The following RANBP17 variants were observed in gnomAD, a reference collection of about 807,000 sequenced individuals.
The protein encoded by RANBP17 is RAN binding protein 17, also known as ran-binding protein 17.
In RANBP17, 158 loss-of-function variants were observed where a neutral mutation model predicts 141.2. The ratio of observed to expected loss-of-function variants is 1.12; its 90% CI spans 0.98 to 1.28. The LOEUF (loss-of-function observed/expected upper bound fraction) is 1.28. Ranked by LOEUF, RANBP17 falls within the 50% of genes most tolerant of loss-of-function variation. The pLI is 0.00. For missense variants in RANBP17, 1,438 were observed against 1,290.7 expected, an observed-to-expected ratio of 1.11 and a Z score of -1.75; for synonymous variants, 430 against 450.0, an observed-to-expected ratio of 0.96 and a Z score of 0.56.
At chr5:170,943,911 A>G (rs965640581) in intron 12 of RANBP17, among the ~76,000 whole-genome samples, 1 of 152,176 alleles carries the variant, frequency 6.6e-6, no homozygotes, top group African/African-American at 2.4e-5. Context: ...CTTTTAGCAA[A>G]TAAAGTATTA....
intron 14 of RANBP17, among the ~76,000 whole-genome samples, chr5:171,001,236 G>A (rs1022572541): frequency 1.3e-5 from 2 of 152,072 alleles, no homozygotes; most frequent in Non-Finnish European, 2.9e-5. Flanking sequence ...GTGATATTGT[G>A]GGGTTGTTAG....
At chr5:171,146,001 T>C (rs1435714205) in intron 14 of RANBP17, among the ~76,000 whole-genome samples, 1 of 152,206 alleles carries the variant, frequency 6.6e-6, no homozygotes, top group Non-Finnish European at 1.5e-5. Context: ...TCAAACATTT[T>C]ACATAAATTT....
At chr5:170,911,847 A>C (rs1272567751) in intron 7 of RANBP17, among the ~76,000 whole-genome samples, 1 of 151,918 alleles carries the variant, frequency 6.6e-6, no homozygotes, top group East Asian at 1.9e-4. Context: ...TGTTCCAGAA[A>C]AATGGTGGCA....
Position 170,924,404 on chromosome 5 carries a change from A to C in RANBP17, c.1322A>C (p.Gln441Pro). The C allele has an allele frequency of 6.2e-7, 1 of 1,608,234 alleles. No homozygotes were observed. Among genetic ancestry groups the C allele is most frequent in the Non-Finnish European group, 8.5e-7 (1 of 1,175,332 alleles). ...GATGATACTGCCACTGTGTTTCAGC[A>C]GTTGGAGCAGTTGTGCACGGTCAGC... is the stretch of plus-strand genomic sequence containing the variant. ...PLDDTATVFQ[Q>P]LEQLCTVSRC... is the part of the protein sequence containing the mutation. Residue 441 changes from glutamine to proline, a missense_variant, in exon 12 of 28, where the codon CAG becomes CCG. Physicochemically the swap from Gln to Pro is moderately conservative, Grantham distance 76. Coordinates refer to ENST00000523189, the MANE Select transcript of RANBP17 (RefSeq NM_022897.5).
chr5:171,168,046 G>A (rs867953369), intron 14 of RANBP17, among the ~76,000 whole-genome samples: 9 of 152,092 alleles, frequency 5.9e-5, no homozygotes, highest in African/African-American at 2.2e-4. Context: ...TTAAAGCCAC[G>A]TAGTATTCAC....
intron 14 of RANBP17, among the ~76,000 whole-genome samples, chr5:170,974,951 G>C (rs1041531467): frequency 1.6e-4 from 24 of 151,966 alleles, no homozygotes; most frequent in South Asian, 1.0e-3. Flanking sequence ...TTTCTTCCAG[G>C]CCCTTGCGCT....
At chr5:170,981,296 G>C (rs1012549180) in intron 14 of RANBP17, among the ~76,000 whole-genome samples, 9 of 152,152 alleles carry the variant, frequency 5.9e-5, no homozygotes, top group Admixed American at 2.6e-4. Context: ...AAGACTTTGA[G>C]GGACTGTTGG....
chr5:171,059,325 T>C (rs1416906645), intron 14 of RANBP17, among the ~76,000 whole-genome samples: 1 of 152,228 alleles, frequency 6.6e-6, no homozygotes, highest in Non-Finnish European at 1.5e-5. Context: ...GAATCCATCT[T>C]GAATTAATTT....
intron 14 of RANBP17, among the ~76,000 whole-genome samples, chr5:171,009,918 C>T (rs1008483306): frequency 1.3e-5 from 2 of 152,070 alleles, no homozygotes; most frequent in African/African-American, 2.4e-5. Flanking sequence ...TGGTTGAGGT[C>T]TACATTTATC....
intron 14 of RANBP17, among the ~76,000 whole-genome samples, chr5:170,976,777 A>G (rs969528489): frequency 1.7e-4 from 26 of 152,162 alleles, no homozygotes; most frequent in Non-Finnish European, 1.6e-4. Context: ...AATAGTTTTC[A>G]ACAAATGATG....
chr5:170,930,213 T>G (rs1216052172), intron 12 of RANBP17, among the ~76,000 whole-genome samples: 1 of 152,002 alleles, frequency 6.6e-6, no homozygotes, highest in Non-Finnish European at 1.5e-5. Context: ...TTATTTGATA[T>G]TCCTTTTCTA....
Position 171,063,367 on chromosome 5 carries a change from T to C in RANBP17, c.1710+94990T>C, listed in dbSNP as rs569829168. Among the ~76,000 whole-genome samples, 5 of 152,362 alleles carry C rather than the reference T, an allele frequency of 3.3e-5. No individual in the cohort carries two copies. The East Asian group carries it at 7.7e-4, about 24-fold the overall frequency. On this transcript the variant is annotated intron_variant, in intron 14 of 27. Coordinates refer to ENST00000523189, the MANE Select transcript of RANBP17 (RefSeq NM_022897.5). The stretch of plus-strand genomic sequence containing the variant: ...TGGATGTCCTTTCTGTTTGTTAGCT[T>C]TCCTTCTAACAGACAGGACCCTCAG...
At chr5:170,995,764 T>C (rs1211834416) in intron 14 of RANBP17, among the ~76,000 whole-genome samples, 1 of 152,164 alleles carries the variant, frequency 6.6e-6, no homozygotes, top group Non-Finnish European at 1.5e-5. Flanking sequence ...TTTACATGAT[T>C]GATGTTTTGC....
intron 1 of RANBP17, among the ~76,000 whole-genome samples, chr5:170,875,125 T>G (rs927265486): frequency 6.6e-6 from 1 of 152,200 alleles, no homozygotes; most frequent in Non-Finnish European, 1.5e-5. Context: ...GGGTTGAAAA[T>G]TCTTGACTTT....
At chr5:170,957,513 G>A (rs1775816708) in intron 13 of RANBP17, among the ~76,000 whole-genome samples, 1 of 152,120 alleles carries the variant, frequency 6.6e-6, no homozygotes, top group Non-Finnish European at 1.5e-5. Context: ...TGTGCTTAGG[G>A]ATGAAAAAAT....
At position 171,012,006 on chromosome 5, in the gene RANBP17, G is replaced by GTAATATATTTGTTTAAACAAA. The variant is rs1276637731; in HGVS notation, c.1710+43652_1710+43672dup. On this transcript the variant is annotated intron_variant, in intron 14 of 27. Coordinates refer to ENST00000523189, the MANE Select transcript of RANBP17 (RefSeq NM_022897.5). ...TTGAGCTATTCTGGTTATTGCCTCA[G>GTAATATATTTGTTTAAACAAA]TAATATATTTGTTTAAACAAATAAT... Among the ~76,000 whole-genome samples the GTAATATATTTGTTTAAACAAA allele has an allele frequency of 1.1e-4, 16 of 150,212 alleles. No homozygotes were observed. The East Asian group carries it at 1.6e-3, about 15-fold the overall frequency.
chr5:170,985,372 A>G (rs901217719), intron 14 of RANBP17, among the ~76,000 whole-genome samples: 1 of 152,182 alleles, frequency 6.6e-6, no homozygotes, highest in African/African-American at 2.4e-5. Flanking sequence ...ATAGACCCAT[A>G]AACAGTGATA....
At chr5:171,037,667 C>T (rs1368793169) in intron 14 of RANBP17, among the ~76,000 whole-genome samples, 1 of 152,082 alleles carries the variant, frequency 6.6e-6, no homozygotes, top group African/African-American at 2.4e-5. Context: ...ACCACTTATT[C>T]AATAGGAAGT....
chr5:170,937,128 T>G (rs79818251), intron 12 of RANBP17, among the ~76,000 whole-genome samples: 4,608 of 152,300 alleles, frequency 0.03, 234 homozygotes, highest in African/African-American at 0.1. Context: ...ATTTGCTAGG[T>G]GGAGGACACC....
Sources: gnomAD v4.1 joint callset for allele counts (sites outside exome capture counted in the v4.1 genomes callset) on GRCh38, gnomAD v4.1.1 for gene constraint, MANE v1.5 for transcripts, NCBI Gene and HGNC (gene_info 2026-07-23, HGNC 2026-07-21) for gene names.